NKAIN3: variants seen among roughly 807,000 people sequenced by gnomAD.
NKAIN3 encodes the protein sodium/potassium transporting ATPase interacting 3.
NKAIN3 carries 25 observed loss-of-function variants against 30.2 expected under a neutral mutation model. The observed-to-expected ratio is 0.83, with a 90% CI of 0.60 to 1.16. The LOEUF is 1.16. NKAIN3 is among the 50% of genes most tolerant of loss of function. NKAIN3 has a pLI of 0.00. For missense variants in NKAIN3, 225 were observed against 254.1 expected, an observed-to-expected ratio of 0.89 and a Z score of 0.78; for synonymous variants, 91 against 89.6, an observed-to-expected ratio of 1.02 and a Z score of -0.09.
chr8:62,553,454 A>T (rs1284376023), intron 1 of NKAIN3, among the ~76,000 whole-genome samples: 4 of 152,170 alleles, frequency 2.6e-5, no homozygotes, highest in Non-Finnish European at 2.9e-5. Flanking sequence ...TGGATTATTA[A>T]AACCTTGCAT....
chr8:62,934,952 G>A (rs1003051409), intron 5 of NKAIN3, among the ~76,000 whole-genome samples: 1 of 152,134 alleles, frequency 6.6e-6, no homozygotes, highest in African/African-American at 2.4e-5. Flanking sequence ...GCCCTGGAGA[G>A]GGGGAAGGAG....
At chr8:62,700,750 GTTT>G (rs1814307490) in intron 3 of NKAIN3, among the ~76,000 whole-genome samples, 1 of 152,186 alleles carries the variant, frequency 6.6e-6, no homozygotes, top group African/African-American at 2.4e-5. Flanking sequence ...ATAATTAACT[GTTT>G]TGTGTTGTCT....
chr8:62,413,450 A>G (rs1405409563), intron 1 of NKAIN3, among the ~76,000 whole-genome samples: 2 of 152,186 alleles, frequency 1.3e-5, no homozygotes, highest in African/African-American at 4.8e-5. Context: ...GCCTCACATT[A>G]TGTAATTTTT....
intron 2 of NKAIN3, among the ~76,000 whole-genome samples, chr8:62,586,878 G>C (rs1232528848): frequency 6.6e-6 from 1 of 151,972 alleles, no homozygotes; most frequent in East Asian, 1.9e-4. Flanking sequence ...AAGTAGAAGA[G>C]AGATGGAGAG....
At chr8:62,633,679 T>C (rs948596196) in intron 3 of NKAIN3, among the ~76,000 whole-genome samples, 2 of 152,150 alleles carry the variant, frequency 1.3e-5, no homozygotes, top group Non-Finnish European at 2.9e-5. Flanking sequence ...CAGCTCATCT[T>C]TGAGCACAGA....
At chr8:62,874,748 CT>C (rs1260434697) in intron 4 of NKAIN3, among the ~76,000 whole-genome samples, 2 of 152,130 alleles carry the variant, frequency 1.3e-5, no homozygotes, top group Non-Finnish European at 2.9e-5. Context: ...CAGAAAAGGC[CT>C]TTGATAAAAT....
At chr8:62,514,969 TATAATC>T (rs1332460511) in intron 1 of NKAIN3, among the ~76,000 whole-genome samples, 1 of 152,170 alleles carries the variant, frequency 6.6e-6, no homozygotes, top group African/African-American at 2.4e-5. Context: ...TAAGTATTGA[TATAATC>T]ATAATCCTTA....
chr8:62,854,261 G>A (rs529344518), intron 4 of NKAIN3, among the ~76,000 whole-genome samples: 5 of 152,230 alleles, frequency 3.3e-5, no homozygotes, highest in African/African-American at 1.2e-4. Flanking sequence ...CTTTGTTAAT[G>A]TTCTGCCTCA....
intron 3 of NKAIN3, among the ~76,000 whole-genome samples, chr8:62,721,548 G>A (rs977925559): frequency 9.2e-5 from 14 of 152,298 alleles, no homozygotes; most frequent in Admixed American, 9.2e-4. Flanking sequence ...CACTCACTGG[G>A]TCTGTGGTAC....
chr8:62,473,883 G>C (rs1437002967), intron 1 of NKAIN3: 3 of 152,184 alleles, frequency 2.0e-5, no homozygotes, highest in Non-Finnish European at 4.4e-5. Context: ...AGAGAGGTAA[G>C]AAATAATTTT....
chr8:62,474,083 G>C (rs942756307), intron 1 of NKAIN3: 13 of 152,026 alleles, frequency 8.6e-5, no homozygotes, highest in African/African-American at 2.9e-4. Context: ...TGTTGTTGTG[G>C]TCTTCAGTCA....
Position 62,973,649 on chromosome 8 carries a change from A to C in NKAIN3, c.*8242A>C, listed in dbSNP as rs1047095423. On this transcript the variant is annotated 3_prime_UTR_variant, in exon 7 of 7. Coordinates refer to ENST00000623646, the MANE Select transcript of NKAIN3 (RefSeq NM_001304533.3). Reference sequence around the variant, plus strand: ...CTCTGATAATAGTTTCTTTTGCTGCACAGAAGCTCCTTAGTTTAATTAGAT... The same window carrying C: ...CTCTGATAATAGTTTCTTTTGCTGCCCAGAAGCTCCTTAGTTTAATTAGAT... Among the ~76,000 whole-genome samples the C allele has an allele frequency of 6.6e-6, 1 of 152,026 alleles. No individual in the cohort carries two copies. Among genetic ancestry groups the C allele is most frequent in the Non-Finnish European group, 1.5e-5 (1 of 67,976 alleles).
intron 6 of NKAIN3, among the ~76,000 whole-genome samples, chr8:62,957,395 A>G (rs1269931546): frequency 6.6e-6 from 1 of 152,082 alleles, no homozygotes; most frequent in Non-Finnish European, 1.5e-5. Context: ...CGGCCTCCCA[A>G]AGTGTTGGGA....
At chr8:62,782,835 T>C (rs752767037) in intron 4 of NKAIN3, among the ~76,000 whole-genome samples, 7 of 150,516 alleles carry the variant, frequency 4.7e-5, no homozygotes, top group Non-Finnish European at 8.9e-5. Flanking sequence ...GGCTAATGGG[T>C]ACAAAATGCA....
At chr8:62,573,778 A>G (rs1037116161) in intron 1 of NKAIN3, among the ~76,000 whole-genome samples, 2 of 151,978 alleles carry the variant, frequency 1.3e-5, no homozygotes, top group Admixed American at 6.6e-5. Context: ...GTATAGACTT[A>G]TGGGGTACAT....
chr8:62,870,256 A>ATAGATATCTATATC (rs1820572286), intron 4 of NKAIN3, among the ~76,000 whole-genome samples: 1 of 45,602 alleles, frequency 2.2e-5, no homozygotes. Flanking sequence ...ATATCTATAT[A>ATAGATATCTATATC]TATATCTATA....
At position 62,956,146 on chromosome 8, in the gene NKAIN3, C is replaced by G. The variant is rs571625257; in HGVS notation, c.603+2174C>G. 2.0e-5 allele frequency among the ~76,000 whole-genome samples: 3 copies of G among 152,308 alleles called. No individual in the cohort carries two copies. In the South Asian group the frequency reaches 6.2e-4, roughly 32 times the overall value. ...ATTTATCCAGTCTGCCTCTGTCAAT[C>G]TACTTGATTTCTTTTAATAAGCCCG... On this transcript the variant is annotated intron_variant, in intron 6 of 6. Transcript: ENST00000623646.
chr8:62,546,401 T>C (rs1171844653), intron 1 of NKAIN3, among the ~76,000 whole-genome samples: 13 of 152,136 alleles, frequency 8.5e-5, no homozygotes, highest in Admixed American at 8.5e-4. Context: ...GCATTTCTGA[T>C]CTCAGGAGCA....
intron 5 of NKAIN3, among the ~76,000 whole-genome samples, chr8:62,924,944 C>A (rs934748936): frequency 9.2e-5 from 14 of 152,128 alleles, no homozygotes; most frequent in Non-Finnish European, 1.9e-4. Context: ...CTAATCACTT[C>A]CCAAAGACTT....
Sources: allele counts gnomAD v4.1 joint callset (sites outside exome capture counted in the v4.1 genomes callset), GRCh38; gene constraint gnomAD v4.1.1; transcripts MANE v1.5; gene names NCBI Gene and HGNC (gene_info 2026-07-23, HGNC 2026-07-21).